ZNF521: variants seen among roughly 807,000 people sequenced by gnomAD.
The protein encoded by ZNF521 is zinc finger protein 521.
Under a neutral mutation model 105.5 loss-of-function variants are expected in ZNF521, and 14 were observed. The ratio of observed to expected loss-of-function variants is 0.13; its 90% confidence interval spans 0.09 to 0.21. The LOEUF (loss-of-function observed/expected upper bound fraction) is 0.21, where lower values mean the gene tolerates loss of function less well. ZNF521 is among the 10% of genes least tolerant of loss of function. ZNF521 has a pLI of 1.00. For synonymous variants in ZNF521, 635 were observed against 606.0 expected, an observed-to-expected ratio of 1.05 and a Z score of -0.70; for missense variants, 1,233 against 1,629.7, an observed-to-expected ratio of 0.76 and a Z score of 4.19.
chr18:25,071,956 G>A (rs944004002), intron 7 of ZNF521, among the ~76,000 whole-genome samples: 4 of 152,190 alleles, frequency 2.6e-5, no homozygotes, highest in Admixed American at 1.3e-4. Flanking sequence ...AAGAGCAGCA[G>A]CAAAGCTGAG....
chr18:25,274,563 A>T (rs1435697673), intron 3 of ZNF521, among the ~76,000 whole-genome samples: 1 of 152,224 alleles, frequency 6.6e-6, no homozygotes, highest in East Asian at 1.9e-4. Flanking sequence ...AGAAAAAGGG[A>T]GAATCTACCA....
intron 3 of ZNF521, among the ~76,000 whole-genome samples, chr18:25,307,671 A>G (rs559101078): frequency 1.1e-4 from 17 of 152,326 alleles, no homozygotes; most frequent in Non-Finnish European, 1.9e-4. Context: ...TGATCTGTGT[A>G]ACCAGTAGAA....
At chr18:25,322,654 T>G (rs369689040) in intron 2 of ZNF521, among the ~76,000 whole-genome samples, 3 of 151,608 alleles carry the variant, frequency 2.0e-5, no homozygotes, top group Admixed American at 1.3e-4. Context: ...GCTAAGCCAA[T>G]TACCATAGGC....
chr18:25,155,721 TTGTCC>T (rs2035130782), intron 5 of ZNF521, among the ~76,000 whole-genome samples: 4 of 152,278 alleles, frequency 2.6e-5, no homozygotes, highest in Non-Finnish European at 5.9e-5. Context: ...CCAAAATTAG[TTGTCC>T]ATATATGTTT....
chr18:25,104,758 C>G (rs2034037625), intron 5 of ZNF521, among the ~76,000 whole-genome samples: 1 of 152,056 alleles, frequency 6.6e-6, no homozygotes, highest in African/African-American at 2.4e-5. Context: ...GTTCTCATCT[C>G]AGAATACAGG....
chr18:25,206,428 A>T (rs1210167782), intron 4 of ZNF521, among the ~76,000 whole-genome samples: 1 of 152,066 alleles, frequency 6.6e-6, no homozygotes, highest in African/African-American at 2.4e-5. Flanking sequence ...TTCTCTTTAG[A>T]TGAAGGCTCC....
Position 25,328,402 on chromosome 18 carries a change from A to AACACAC in ZNF521, c.41-6221_41-6216dup, listed in dbSNP as rs57967888. ...AGGAAATTAGCCTTAGGGGAGGTTA[A>AACACAC]ACACACACACACACACACACACACA... On this transcript the variant is annotated intron_variant, in intron 2 of 7. Transcript: ENST00000361524. Among the ~76,000 whole-genome samples the AACACAC allele has an allele frequency of 2.4e-3, 344 of 141,752 alleles. 2 individuals are homozygous for AACACAC. Among genetic ancestry groups the AACACAC allele is most frequent in the Admixed American group, 2.2e-3 (32 of 14,360 alleles). 93.0% of individuals were successfully genotyped at this position (141,752 alleles called of 152,430 possible). A position where few individuals can be genotyped will look rare whatever the true frequency, so the allele number is the denominator to read the frequency against.
intron 5 of ZNF521, among the ~76,000 whole-genome samples, chr18:25,169,966 G>T (rs902942189): frequency 5.9e-5 from 9 of 152,132 alleles, no homozygotes; most frequent in African/African-American, 2.2e-4. Context: ...TCACTACTCA[G>T]CCATTTTATT....
chr18:25,249,721 C>T (rs572111114), intron 3 of ZNF521, among the ~76,000 whole-genome samples: 11 of 152,246 alleles, frequency 7.2e-5, no homozygotes. Flanking sequence ...CTCACACTCC[C>T]GAAGTGCTGG....
intron 3 of ZNF521, among the ~76,000 whole-genome samples, chr18:25,239,474 C>A (rs1162473012): frequency 6.6e-6 from 1 of 152,170 alleles, no homozygotes; most frequent in Non-Finnish European, 1.5e-5. Flanking sequence ...AATACACTAT[C>A]AAAGGTAGCT....
intron 2 of ZNF521, among the ~76,000 whole-genome samples, chr18:25,346,154 C>T (rs939160331): frequency 6.6e-6 from 1 of 151,972 alleles, no homozygotes; most frequent in Non-Finnish European, 1.5e-5. Flanking sequence ...AAAACAATTA[C>T]CTTTACACAC....
At chr18:25,257,027 A>G (rs1908561381) in intron 3 of ZNF521, among the ~76,000 whole-genome samples, 1 of 152,122 alleles carries the variant, frequency 6.6e-6, no homozygotes, top group South Asian at 2.1e-4. Context: ...CAGAGATGAG[A>G]AAAGTCTAGC....
chr18:25,198,923 G>T (rs749429190), intron 4 of ZNF521, among the ~76,000 whole-genome samples: 14 of 151,972 alleles, frequency 9.2e-5, no homozygotes, highest in Admixed American at 2.0e-4. Context: ...CAAAGCAAAA[G>T]ATATATCTTT....
chr18:25,097,251 C>A (rs558379671), intron 5 of ZNF521, among the ~76,000 whole-genome samples: 11 of 152,238 alleles, frequency 7.2e-5, no homozygotes, highest in Admixed American at 3.3e-4. Context: ...TAGCACTCAG[C>A]CACGATAATT....
intron 3 of ZNF521, among the ~76,000 whole-genome samples, chr18:25,232,778 T>C (rs1278102506): frequency 6.6e-6 from 1 of 152,222 alleles, no homozygotes; most frequent in Non-Finnish European, 1.5e-5. Flanking sequence ...TTGCATTATT[T>C]AGCAACATGG....
chr18:25,101,003 C>A (rs756113559), intron 5 of ZNF521, among the ~76,000 whole-genome samples: 1 of 152,158 alleles, frequency 6.6e-6, no homozygotes, highest in African/African-American at 2.4e-5. Context: ...GTGGCACATG[C>A]AGCTGTGGGG....
chr18:25,269,299 G>C (rs1568045799), intron 3 of ZNF521, among the ~76,000 whole-genome samples: 1 of 152,128 alleles, frequency 6.6e-6, no homozygotes, highest in Non-Finnish European at 1.5e-5. Context: ...CCAGTTCTTA[G>C]AGACCTACAA....
intron 3 of ZNF521, among the ~76,000 whole-genome samples, chr18:25,267,983 C>T (rs531183016): frequency 1.2e-4 from 18 of 152,246 alleles, no homozygotes; most frequent in African/African-American, 3.9e-4. Flanking sequence ...ACAAACTCCT[C>T]TGAGCTAAAG....
At chr18:25,150,879 TTTTTC>T (rs1309943330) in intron 5 of ZNF521, among the ~76,000 whole-genome samples, 98 of 140,696 alleles carry the variant, frequency 7.0e-4, no homozygotes, top group African/African-American at 2.3e-3. Flanking sequence ...CAGCTCTTTT[TTTTTC>T]TTTTTTCTTT....
Sources: gnomAD v4.1 joint callset for allele counts (sites outside exome capture counted in the v4.1 genomes callset) on GRCh38, gnomAD v4.1.1 for gene constraint, MANE v1.5 for transcripts, NCBI Gene and HGNC (gene_info 2026-07-23, HGNC 2026-07-21) for gene names.